The following SHANK1 variants were observed in gnomAD, a reference collection of about 807,000 sequenced individuals.
SHANK1 encodes the protein SH3 and multiple ankyrin repeat domains 1, also known as SH3 and multiple ankyrin repeat domains protein 1.
In SHANK1, 35 loss-of-function variants were observed where a neutral mutation model predicts 165.6. The ratio of observed to expected loss-of-function variants is 0.21; its 90% CI spans 0.16 to 0.28. The LOEUF (loss-of-function observed/expected upper bound fraction) is 0.28. SHANK1 is among the 10% of genes least tolerant of loss of function. The pLI is 1.00. For missense variants in SHANK1, 2,681 were observed against 3,036.4 expected, an observed-to-expected ratio of 0.88 and a Z score of 2.75; for synonymous variants, 1,428 against 1,384.8, an observed-to-expected ratio of 1.03 and a Z score of -0.69.
Position 50,669,083 on chromosome 19 carries a change from A to T in SHANK1, c.2877T>A (p.Gly959=). 1 of 1,316,934 alleles carries T rather than the reference A, an allele frequency of 7.6e-7. No individual in the cohort carries two copies. Among genetic ancestry groups the T allele is most frequent in the Non-Finnish European group, 1.0e-6 (1 of 994,050 alleles). The allele number at this position is 1,316,934 out of a possible 1,614,324, so 81.6% of individuals were successfully genotyped here. A position where few individuals can be genotyped will look rare whatever the true frequency, so the allele number is the denominator to read the frequency against. The change falls in exon 23 of 24, where the codon GGT becomes GGA. Residue 959 remains glycine, a synonymous_variant. Transcript: ENST00000293441. ...PRGGPFNPGS[G]GPLPASSPAS... is the part of the protein sequence containing the mutation. ...CAGGGGAGGAGGCGGGGAGGGGGCC[A>T]CCAGAGCCAGGGTTGAAGGGCCCTC... is the stretch of plus-strand genomic sequence containing the variant.
rs1985144820 is a variant in SHANK1, at chr19:50,660,209, GCCC to G, written c.*1753_*1755del. Reference sequence around the variant, plus strand: ...GGGAGGGGTGGCTTAACATTCCCAAGCCCCGGGAATAAGCGGAGAGAGGAAGCG... The same window carrying G: ...GGGAGGGGTGGCTTAACATTCCCAAGCGGGAATAAGCGGAGAGAGGAAGCG... On this transcript the variant is annotated 3_prime_UTR_variant, in exon 24 of 24. Coordinates refer to ENST00000293441, the MANE Select transcript of SHANK1 (RefSeq NM_016148.5). 2.3e-5 allele frequency among the ~76,000 whole-genome samples: 2 copies of G among 87,970 alleles called. No individual in the cohort carries two copies. The highest frequency in any genetic ancestry group is 6.5e-5 in the Non-Finnish European group (2 of 30,866). 57.7% of individuals were successfully genotyped at this position (87,970 alleles called of 152,430 possible).
chr19:50,696,996 A>G, intron 15 of SHANK1, 100 bp downstream of exon 15: 1 of 986,104 alleles, frequency 1.0e-6, no homozygotes, highest in South Asian at 1.3e-5. Context: ...TCACACACCA[A>G]GAAACCTCAG....
chr19:50,702,770 G>A lies in SHANK1; in HGVS notation c.1554-110C>T, dbSNP rs1007241996. 3 of 680,836 alleles carry A rather than the reference G, an allele frequency of 4.4e-6. No individual in the cohort carries two copies. The highest frequency in any genetic ancestry group is 7.3e-6 in the Non-Finnish European group (3 of 413,134). The allele number at this position is 680,836 out of a possible 1,614,324, so 42.2% of individuals were successfully genotyped here. A position where few individuals can be genotyped will look rare whatever the true frequency, so the allele number is the denominator to read the frequency against. On this transcript the variant is annotated intron_variant, in intron 11 of 23. Coordinates refer to ENST00000293441, the MANE Select transcript of SHANK1 (RefSeq NM_016148.5). The surrounding 1 kb of genome is among the most constrained non-coding windows in gnomAD (Gnocchi z 5.3). Reference sequence around the variant, plus strand: ...AGGACGGTGCATCAGGGGGGAGGGGGGGTTTCCCAGCACTGGCGTCCTCCA... The same window carrying A: ...AGGACGGTGCATCAGGGGGGAGGGGAGGTTTCCCAGCACTGGCGTCCTCCA...
rs754570218 is a variant in SHANK1, at chr19:50,711,356, C to T, written c.1077+15G>A. The T allele has an allele frequency of 5.8e-6, 9 of 1,543,680 alleles. No homozygotes were observed. Among genetic ancestry groups the T allele is most frequent in the South Asian group, 2.4e-5 (2 of 83,882 alleles). ...GGGGATGTGAGGGGCCTGGGGTGGC[C>T]GCTGCTAGGCAGACCTTGTTGTAGA... On this transcript the variant is annotated intron_variant, in intron 8 of 23. Coordinates refer to ENST00000293441, the MANE Select transcript of SHANK1 (RefSeq NM_016148.5).
In SHANK1 at chr19:50,670,063, G is replaced by C. The variant is rs1016017738; in HGVS notation, c.2675-778C>G. On this transcript the variant is annotated intron_variant, in intron 22 of 23. Transcript: ENST00000293441. This position sits in a 1 kb window ranked among gnomAD's most constrained non-coding sequence, Gnocchi z 4.1. Reference sequence around the variant, plus strand: ...GTTTATGCCTGGGGCCCCATCCTCCGCCCTGAGCTCTGGGCCCCTATATTC... The same window carrying C: ...GTTTATGCCTGGGGCCCCATCCTCCCCCCTGAGCTCTGGGCCCCTATATTC... Among the ~76,000 whole-genome samples the C allele has an allele frequency of 1.3e-5, 2 of 151,916 alleles. No individual in the cohort carries two copies. Among genetic ancestry groups the C allele is most frequent in the Non-Finnish European group, 2.9e-5 (2 of 67,988 alleles).
chr19:50,675,061 C>CAAAA (rs10560370), intron 21 of SHANK1, among the ~76,000 whole-genome samples: 2 of 85,702 alleles, frequency 2.3e-5, no homozygotes, highest in African/African-American at 9.2e-5. Flanking sequence ...CACTCGGTCT[C>CAAAA]AAAAAAAAAA....
Position 50,716,120 on chromosome 19 carries a change from G to A in SHANK1, c.459+155C>T, listed in dbSNP as rs962952474. Among the ~76,000 whole-genome samples, 2 of 152,228 alleles carry A rather than the reference G, an allele frequency of 1.3e-5. No individual in the cohort carries two copies. Among genetic ancestry groups the A allele is most frequent in the African/African-American group, 2.4e-5 (1 of 41,450 alleles). ...CAGAACAGATGGTAATTTGAACTCA[G>A]GACTCTCTGACTTCCCTGTGATGCT... is the stretch of plus-strand genomic sequence containing the variant. On this transcript the variant is annotated intron_variant, in intron 3 of 23. Coordinates refer to ENST00000293441, the MANE Select transcript of SHANK1 (RefSeq NM_016148.5). This position sits in a 1 kb window ranked among gnomAD's most constrained non-coding sequence, Gnocchi z 8.4.
At chr19:50,709,149 A>T (rs924678340) in intron 8 of SHANK1, among the ~76,000 whole-genome samples, 8 of 151,992 alleles carry the variant, frequency 5.3e-5, no homozygotes, top group Non-Finnish European at 8.8e-5. Context: ...TTATTTATTT[A>T]TTTTTTTGAG....
At position 50,668,934 on chromosome 19, in the gene SHANK1, G is replaced by A; in HGVS notation, c.3026C>T (p.Pro1009Leu). ...GTGGTGGTGGTGGGGCTGAGGGGGC[G>A]GGGCGTGGTGGTGGTGGTGGTGGGG... ...HPPHHHHHHA[P>L]PPQPHHHHAH... The change falls in exon 23 of 24, where the codon CCG becomes CTG. Residue 1009 changes from proline (P) to leucine (L), a missense_variant. By Grantham distance (98) the Pro-to-Leu change is moderately conservative. This residue lies in a region of SHANK1 where 1,713 missense variants were observed against 1,630.2 expected (regional missense o/e 1.05). Coordinates refer to ENST00000293441, the MANE Select transcript of SHANK1 (RefSeq NM_016148.5). 1.6e-6 allele frequency: 1 copy of A among 609,262 alleles called. No homozygotes were observed. Among genetic ancestry groups the A allele is most frequent in the Non-Finnish European group, 2.6e-6 (1 of 378,848 alleles). 37.7% of individuals were successfully genotyped at this position (609,262 alleles called of 1,614,324 possible).
chr19:50,695,321 T>G (rs2123154469), intron 15 of SHANK1, among the ~76,000 whole-genome samples: 1 of 145,638 alleles, frequency 6.9e-6, no homozygotes, highest in Middle Eastern at 3.6e-3. Context: ...GGCGCCGGCT[T>G]CAGCACCGCG....
chr19:50,666,812 G>A lies in SHANK1; in HGVS notation c.5148C>T (p.Ala1716=), dbSNP rs760790394. The A allele has an allele frequency of 6.5e-7, 1 of 1,549,418 alleles. No individual in the cohort carries two copies. Among genetic ancestry groups the A allele is most frequent in the African/African-American group, 1.4e-5 (1 of 73,284 alleles). ...GAAGCTCCGGCCCACTGGCCACACCGGCCCCAGCCCCGCCCCCACCCCCTG... is the reference window on the plus strand; with the variant it reads ...GAAGCTCCGGCCCACTGGCCACACCAGCCCCAGCCCCGCCCCCACCCCCTG... ...GSAGGGGGAG[A]GVASGPELLD... The change falls in exon 23 of 24, where the codon GCC becomes GCT. Residue 1716 remains alanine, a synonymous_variant. Transcript: ENST00000293441.
Position 50,711,407 on chromosome 19 carries a change from C to A in SHANK1, c.1041G>T (p.Gly347=). ...GAEPGAQNAS[G]NTALHICALY... is the part of the protein sequence containing the mutation. ...GGGCGCAGATGTGCAGAGCCGTGTT[C>A]CCCGAGGCGTTCTGGGCTCCAGGCT... is the stretch of plus-strand genomic sequence containing the variant. The change falls in exon 8 of 24, where the codon GGG becomes GGT. Residue 347 remains glycine, a synonymous_variant. Coordinates refer to ENST00000293441, the MANE Select transcript of SHANK1 (RefSeq NM_016148.5). The A allele has an allele frequency of 6.4e-7, 1 of 1,559,262 alleles. No homozygotes were observed. Among genetic ancestry groups the A allele is most frequent in the East Asian group, 2.4e-5 (1 of 41,476 alleles).
Position 50,666,718 on chromosome 19 carries a change from G to A in SHANK1, c.5242C>T (p.Pro1748Ser), listed in dbSNP as rs1420453672. Residue 1748 changes from proline to serine, a missense_variant, in exon 23 of 24, where the codon CCT becomes TCT. Pro to Ser is a moderately conservative substitution (Grantham distance 74, BLOSUM62 -1). Transcript: ENST00000293441. ...GGSSTPGPPY[P>S]PQLMTPSKLR... ...TTAGAGGGAGTCATGAGCTGAGGAG[G>A]GTATGGCGGGCCGGGAGTACTGCTG... The A allele has an allele frequency of 8.2e-6, 13 of 1,575,942 alleles. No homozygotes were observed. The highest frequency in any genetic ancestry group is 1.1e-5 in the Non-Finnish European group (13 of 1,162,776).
rs1309232081 is a variant in SHANK1, at chr19:50,660,553, G to T, written c.*1412C>A. 6.6e-6 allele frequency among the ~76,000 whole-genome samples: 1 copy of T among 152,080 alleles called. No individual in the cohort carries two copies. Among genetic ancestry groups the T allele is most frequent in the African/African-American group, 2.4e-5 (1 of 41,398 alleles). On this transcript the variant is annotated 3_prime_UTR_variant, in exon 24 of 24. Transcript: ENST00000293441. ...AAATAAGCGTGTCAGGAAAAGAAAT[G>T]ACAGTTACAGCCCAAGAGTGCATGG...
Position 50,670,192 on chromosome 19 carries a change from C to G in SHANK1, c.2675-907G>C, listed in dbSNP as rs1159729997. On this transcript the variant is annotated intron_variant, in intron 22 of 23. Coordinates refer to ENST00000293441, the MANE Select transcript of SHANK1 (RefSeq NM_016148.5). The surrounding 1 kb of genome is among the most constrained non-coding windows in gnomAD (Gnocchi z 4.1). ...CAACAGACTCCTCCCAGCCCACGGT[C>G]CCTCCCCACCACCGCAGCAAACAGC... 6.6e-6 allele frequency among the ~76,000 whole-genome samples: 1 copy of G among 152,104 alleles called. No individual in the cohort carries two copies. Among genetic ancestry groups the G allele is most frequent in the African/African-American group, 2.4e-5 (1 of 41,406 alleles).
intron 21 of SHANK1, among the ~76,000 whole-genome samples, chr19:50,685,550 C>T (rs1235270681): frequency 1.3e-5 from 2 of 152,056 alleles, no homozygotes; most frequent in Non-Finnish European, 2.9e-5. Flanking sequence ...ATGGCAAAAC[C>T]CTGTCTCTAT....
chr19:50,695,895 C>T (rs1453219422), intron 15 of SHANK1, among the ~76,000 whole-genome samples: 2 of 152,098 alleles, frequency 1.3e-5, no homozygotes, highest in Non-Finnish European at 2.9e-5. Context: ...GGGCGGCACA[C>T]GCCAGGAGGG....
intron 8 of SHANK1, 110 bp downstream of exon 8, chr19:50,711,261 G>A (rs1416042572): frequency 1.5e-6 from 1 of 653,530 alleles, no homozygotes; most frequent in Non-Finnish European, 2.7e-6. Flanking sequence ...TGGAAATAGT[G>A]AAGAAGTGGA....
chr19:50,661,881 G>C lies in SHANK1; in HGVS notation c.*84C>G. 6.8e-7 allele frequency: 1 copy of C among 1,468,272 alleles called. No homozygotes were observed. The allele number at this position is 1,468,272 out of a possible 1,614,324, so 91.0% of individuals were successfully genotyped here. ...TTGAACAGAGTCCCTGGCCCGGGGA[G>C]AGAATGACAGTCAGGGGTCAGAGGT... On this transcript the variant is annotated 3_prime_UTR_variant, in exon 24 of 24. Transcript: ENST00000293441.
Sources: gnomAD v4.1 joint callset for allele counts (sites outside exome capture counted in the v4.1 genomes callset) on GRCh38, gnomAD v4.1.1 for gene constraint, gnomAD v4.1.1 regional missense constraint, Gnocchi (gnomAD v3.1) non-coding constraint, MANE v1.5 for transcripts, NCBI Gene and HGNC (gene_info 2026-07-23, HGNC 2026-07-21) for gene names.